Variants in ST6GALNAC5 observed in about 807,000 individuals in gnomAD.
ST6GALNAC5 encodes the protein ST6 N-acetylgalactosaminide alpha-2,6-sialyltransferase 5.
ST6GALNAC5 carries 27 observed loss-of-function variants against 33.6 expected under a neutral mutation model. The ratio of observed to expected loss-of-function variants is 0.80; its 90% CI spans 0.59 to 1.11. The LOEUF is 1.11. Ranked by LOEUF, ST6GALNAC5 falls within the 50% of genes least tolerant of loss-of-function variation. ST6GALNAC5 has a pLI of 0.00. For synonymous variants in ST6GALNAC5, 194 were observed against 171.2 expected (o/e 1.13, Z -1.04); for missense variants, 428 against 454.0 (o/e 0.94, Z 0.52).
intron 2 of ST6GALNAC5, among the ~76,000 whole-genome samples, chr1:76,946,166 G>A (rs1019411680): frequency 1.2e-4 from 18 of 151,454 alleles, no homozygotes; most frequent in Non-Finnish European, 2.2e-4. Context: ...CCTACCATAT[G>A]AAAAAAAAGA....
At position 77,067,202 on chromosome 1, in the gene ST6GALNAC5, G is replaced by T. The variant is rs1206984512; in HGVS notation, c.*3996G>T. ...ACCAATTGCCTAGGTGTTAGCACAT[G>T]CCAGAAGGTACTTTGGAATGGAAAG... On this transcript the variant is annotated 3_prime_UTR_variant, in exon 5 of 5. Transcript: ENST00000477717. 6.6e-6 allele frequency among the ~76,000 whole-genome samples: 1 copy of T among 152,196 alleles called. No individual in the cohort carries two copies. Among genetic ancestry groups the T allele is most frequent in the East Asian group, 1.9e-4 (1 of 5,186 alleles).
At chr1:76,915,367 C>T (rs1646959767) in intron 2 of ST6GALNAC5, among the ~76,000 whole-genome samples, 1 of 152,240 alleles carries the variant, frequency 6.6e-6, no homozygotes, top group Non-Finnish European at 1.5e-5. Flanking sequence ...GACTATAAAT[C>T]ATGCTGCCAT....
At chr1:76,903,175 C>T (rs1053077773) in intron 2 of ST6GALNAC5, among the ~76,000 whole-genome samples, 1 of 151,990 alleles carries the variant, frequency 6.6e-6, no homozygotes, top group Non-Finnish European at 1.5e-5. Context: ...TATGTAAAGA[C>T]CCATACAACT....
chr1:76,890,546 T>G (rs1369026040), intron 2 of ST6GALNAC5, among the ~76,000 whole-genome samples: 1 of 48,144 alleles, frequency 2.1e-5, no homozygotes, highest in East Asian at 4.0e-4. Flanking sequence ...TTTACTTCAG[T>G]TTTTTTTTTT....
chr1:76,901,029 A>G (rs989680398), intron 2 of ST6GALNAC5, among the ~76,000 whole-genome samples: 10 of 152,262 alleles, frequency 6.6e-5, no homozygotes, highest in Non-Finnish European at 1.0e-4. Context: ...ATAGTTCCTC[A>G]GTAGTGTTGA....
chr1:77,014,760 T>G (rs199667), intron 2 of ST6GALNAC5, among the ~76,000 whole-genome samples: 96,016 of 151,974 alleles, frequency 0.63, 32,598 homozygotes, highest in African/African-American at 0.89. Context: ...AAGCCTCTGG[T>G]ACTTGAGATG....
intron 2 of ST6GALNAC5, among the ~76,000 whole-genome samples, chr1:76,994,937 T>G (rs1649868649): frequency 6.6e-6 from 1 of 152,134 alleles, no homozygotes; most frequent in Non-Finnish European, 1.5e-5. Context: ...TTCATGCACT[T>G]CCAGACTGAA....
At chr1:76,881,160 T>G (rs76615695) in intron 2 of ST6GALNAC5, among the ~76,000 whole-genome samples, 2,775 of 152,252 alleles carry the variant, frequency 0.018, 86 homozygotes, top group African/African-American at 0.063. Context: ...TCCCAGAACT[T>G]GATCCAACGG....
At chr1:76,957,311 C>T (rs933275193) in intron 2 of ST6GALNAC5, among the ~76,000 whole-genome samples, 1 of 152,224 alleles carries the variant, frequency 6.6e-6, no homozygotes, top group African/African-American at 2.4e-5. Flanking sequence ...AGGCATTCCT[C>T]GAATCTTTGA....
At chr1:76,977,831 G>T (rs570790495) in intron 2 of ST6GALNAC5, among the ~76,000 whole-genome samples, 1 of 152,112 alleles carries the variant, frequency 6.6e-6, no homozygotes, top group South Asian at 2.1e-4. Flanking sequence ...ATTTCCTTTG[G>T]ATATATATAA....
chr1:77,018,881 G>C (rs1650950048), intron 2 of ST6GALNAC5, among the ~76,000 whole-genome samples: 1 of 152,186 alleles, frequency 6.6e-6, no homozygotes, highest in Non-Finnish European at 1.5e-5. Flanking sequence ...AAACCATCCT[G>C]TTAAGCAGGA....
intron 2 of ST6GALNAC5, among the ~76,000 whole-genome samples, chr1:76,900,567 T>G (rs9660283): frequency 0.5 from 75,692 of 152,034 alleles, 19,490 homozygotes; most frequent in African/African-American, 0.62. Flanking sequence ...CCAATTATTT[T>G]GGTTTCTCTC....
intron 2 of ST6GALNAC5, among the ~76,000 whole-genome samples, chr1:76,992,057 G>A (rs1044463364): frequency 1.3e-5 from 2 of 151,780 alleles, no homozygotes; most frequent in African/African-American, 4.8e-5. Flanking sequence ...TCTACGTAGG[G>A]GTCAGCTTCC....
Position 77,044,287 on chromosome 1 carries a change from CCAGA to C in ST6GALNAC5, c.350_353del (p.Thr117SerfsTer6), listed in dbSNP as rs1651929123. 1.2e-6 allele frequency: 2 copies of C among 1,613,996 alleles called. No individual in the cohort carries two copies. Among genetic ancestry groups the C allele is most frequent in the Non-Finnish European group, 1.7e-6 (2 of 1,180,040 alleles). ...ACAGTCGGCAAGGCTCCCAGATTGA[CCAGA>C]CAGAGTGTGTCATCCGCATGAATGA... is the stretch of plus-strand genomic sequence containing the variant. On this transcript the variant is annotated frameshift_variant, in exon 3 of 5. Transcript: ENST00000477717. LOFTEE classifies it high-confidence loss of function.
At chr1:77,054,757 TG>T (rs752500957) in intron 4 of ST6GALNAC5, among the ~76,000 whole-genome samples, 2 of 152,156 alleles carry the variant, frequency 1.3e-5, no homozygotes, top group Non-Finnish European at 2.9e-5. Context: ...CCTGGAGGTC[TG>T]CCTTCTCATC....
intron 2 of ST6GALNAC5, among the ~76,000 whole-genome samples, chr1:76,941,665 T>C (rs1040900692): frequency 1.3e-5 from 2 of 152,044 alleles, no homozygotes; most frequent in Admixed American, 6.6e-5. Flanking sequence ...GAGAAGGCCA[T>C]GGGAAGACGG....
At chr1:77,026,258 C>T (rs1231862835) in intron 2 of ST6GALNAC5, among the ~76,000 whole-genome samples, 2 of 152,174 alleles carry the variant, frequency 1.3e-5, no homozygotes, top group Non-Finnish European at 1.5e-5. Context: ...GCCAGGGGAG[C>T]CCTCCTGCCC....
At chr1:77,029,024 TG>T (rs145364151) in intron 2 of ST6GALNAC5, among the ~76,000 whole-genome samples, 116 of 152,284 alleles carry the variant, frequency 7.6e-4, no homozygotes, top group African/African-American at 2.7e-3. Context: ...GGTGGTCCAG[TG>T]TGGGCATGTG....
At chr1:76,988,286 G>A (rs1426265665) in intron 2 of ST6GALNAC5, among the ~76,000 whole-genome samples, 1 of 151,672 alleles carries the variant, frequency 6.6e-6, no homozygotes, top group Admixed American at 6.6e-5. Flanking sequence ...CCTGTATCAC[G>A]TTTTTGATTC....
Sources: gnomAD v4.1 joint callset for allele counts (sites outside exome capture counted in the v4.1 genomes callset) on GRCh38, gnomAD v4.1.1 for gene constraint, MANE v1.5 for transcripts, NCBI Gene and HGNC (gene_info 2026-07-23, HGNC 2026-07-21) for gene names.